The following KCNK2 variants were observed in gnomAD, a reference collection of about 807,000 sequenced individuals.
The protein encoded by KCNK2 is potassium channel subfamily K member 2.
Under a neutral mutation model 40.5 loss-of-function variants are expected in KCNK2, and 21 were observed. The observed-to-expected ratio is 0.52, with a 90% confidence interval of 0.37 to 0.75. The LOEUF (loss-of-function observed/expected upper bound fraction) is 0.75. KCNK2 is among the 30% of genes least tolerant of loss of function. KCNK2 has a pLI of 0.00. For synonymous variants in KCNK2, 191 were observed against 202.2 expected (o/e 0.94, Z 0.47); for missense variants, 399 against 531.6 (o/e 0.75, Z 2.45).
chr1:215,122,608 TA>T (rs2102578176), intron 2 of KCNK2, among the ~76,000 whole-genome samples: 1 of 152,302 alleles, frequency 6.6e-6, no homozygotes, highest in Non-Finnish European at 1.5e-5. Context: ...ATCACTTCAT[TA>T]AAGATAAATG....
At chr1:215,070,206 C>A (rs1197791871) in intron 1 of KCNK2, among the ~76,000 whole-genome samples, 1 of 151,022 alleles carries the variant, frequency 6.6e-6, no homozygotes, top group Non-Finnish European at 1.5e-5. Flanking sequence ...GTCAGCAGAT[C>A]GTAGGCATCC....
chr1:215,100,857 C>G (rs978882757), intron 2 of KCNK2, among the ~76,000 whole-genome samples: 1 of 151,912 alleles, frequency 6.6e-6, no homozygotes, highest in Non-Finnish European at 1.5e-5. Context: ...ATTTATCATT[C>G]GTGTAAAAGA....
chr1:215,057,864 A>G (rs1346437054), intron 1 of KCNK2, among the ~76,000 whole-genome samples: 2 of 152,146 alleles, frequency 1.3e-5, no homozygotes, highest in Admixed American at 1.3e-4. Context: ...GGTTAATCAT[A>G]TCTTCCTTAC....
At chr1:215,133,372 C>T (rs1661758202) in intron 3 of KCNK2, among the ~76,000 whole-genome samples, 1 of 152,046 alleles carries the variant, frequency 6.6e-6, no homozygotes, top group Admixed American at 6.6e-5. Flanking sequence ...TTTTTCTTGT[C>T]ATTCCCCCTT....
intron 1 of KCNK2, among the ~76,000 whole-genome samples, chr1:215,043,187 T>C (rs796534125): frequency 2.0e-5 from 3 of 152,332 alleles, no homozygotes; most frequent in African/African-American, 7.2e-5. Context: ...CTGGAATGCT[T>C]GTGCATTGCT....
At chr1:215,058,796 G>A (rs796591466) in intron 1 of KCNK2, among the ~76,000 whole-genome samples, 33 of 152,216 alleles carry the variant, frequency 2.2e-4, no homozygotes, top group African/African-American at 7.2e-4. Flanking sequence ...CTTGCCAAGT[G>A]TTGTTCTTTT....
chr1:215,024,923 T>C (rs1656947017), intron 1 of KCNK2, among the ~76,000 whole-genome samples: 1 of 149,776 alleles, frequency 6.7e-6, no homozygotes, highest in South Asian at 2.1e-4. Context: ...ATAAAACATA[T>C]GTTCATTATG....
chr1:215,138,799 C>A (rs1013518333), intron 3 of KCNK2, among the ~76,000 whole-genome samples: 9 of 152,200 alleles, frequency 5.9e-5, no homozygotes, highest in Admixed American at 1.3e-4. Flanking sequence ...TTGCAAATCA[C>A]TTCGCATACA....
At chr1:215,068,944 G>A (rs1232039499) in intron 1 of KCNK2, among the ~76,000 whole-genome samples, 2 of 152,124 alleles carry the variant, frequency 1.3e-5, no homozygotes, top group African/African-American at 4.8e-5. Flanking sequence ...AGTTTTATCA[G>A]TGTCCAGAAA....
intron 1 of KCNK2, among the ~76,000 whole-genome samples, chr1:215,070,036 G>A (rs781621909): frequency 1.3e-5 from 2 of 152,104 alleles, no homozygotes; most frequent in Non-Finnish European, 2.9e-5. Context: ...AGAAATCAAA[G>A]AATAATTCAG....
Position 215,086,605 on chromosome 1 carries a change from T to C in KCNK2, c.284T>C (p.Ile95Thr). The change falls in exon 2 of 7, where the codon ATT becomes ACT. Residue 95 changes from isoleucine to threonine, a missense_variant. Ile to Thr is a moderately conservative substitution (Grantham distance 89). Transcript: ENST00000444842. The part of the protein sequence containing the change: ...QPHEISQRTT[I>T]VIQKQTFISQ... ...CATGAGATTTCACAGAGGACCACCA[T>C]TGTGATCCAGAAGCAAACATTCATA... 1 of 1,614,182 alleles carries C rather than the reference T, an allele frequency of 6.2e-7. No individual in the cohort carries two copies. The highest frequency in any genetic ancestry group is 8.5e-7 in the Non-Finnish European group (1 of 1,180,004).
intron 6 of KCNK2, among the ~76,000 whole-genome samples, chr1:215,195,830 G>A (rs947379887): frequency 3.9e-5 from 6 of 152,152 alleles, no homozygotes; most frequent in African/African-American, 1.4e-4. Flanking sequence ...TATGAAATGT[G>A]TATTTCTTGC....
intron 2 of KCNK2, among the ~76,000 whole-genome samples, chr1:215,087,026 G>T (rs1188848135): frequency 6.6e-6 from 1 of 152,182 alleles, no homozygotes; most frequent in African/African-American, 2.4e-5. Context: ...CCATGGGGTT[G>T]GGGTTACCAC....
rs1392902677 is a variant in KCNK2 at position 215,086,592 on chromosome 1, C to T, written c.271C>T (p.Gln91Ter). ...ATTGGAGCAGCCTCATGAGATTTCA[C>T]AGAGGACCACCATTGTGATCCAGAA... ...KALEQPHEIS[Q>*]RTTIVIQKQT... The change falls in exon 2 of 7, where the codon CAG becomes TAG. Residue 91 changes from glutamine to a stop codon, truncating the protein, a stop_gained. Transcript: ENST00000444842. LOFTEE classifies it high-confidence loss of function. The T allele has an allele frequency of 6.2e-7, 1 of 1,614,050 alleles. No homozygotes were observed. The highest frequency in any genetic ancestry group is 8.5e-7 in the Non-Finnish European group (1 of 1,179,906).
intron 3 of KCNK2, among the ~76,000 whole-genome samples, chr1:215,163,325 C>T (rs149069288): frequency 3.6e-4 from 55 of 152,206 alleles, no homozygotes; most frequent in African/African-American, 1.1e-3. Context: ...TGGGCTGAGA[C>T]GATGGAGTTT....
chr1:215,097,601 A>G (rs190898553), intron 2 of KCNK2, among the ~76,000 whole-genome samples: 3 of 152,032 alleles, frequency 2.0e-5, no homozygotes, highest in Admixed American at 6.6e-5. Flanking sequence ...TTTAATTTTG[A>G]CAATTTTCTC....
intron 2 of KCNK2, among the ~76,000 whole-genome samples, chr1:215,119,850 C>G (rs1661103324): frequency 6.6e-6 from 1 of 152,100 alleles, no homozygotes; most frequent in Non-Finnish European, 1.5e-5. Context: ...CACCCAGAAA[C>G]AGTTCTCATG....
chr1:215,045,938 A>G (rs1657751668), intron 1 of KCNK2, among the ~76,000 whole-genome samples: 1 of 132,864 alleles, frequency 7.5e-6, no homozygotes, highest in Non-Finnish European at 1.7e-5. Flanking sequence ...CTAGCAAAAC[A>G]CAGACACATA....
At chr1:215,067,709 T>G (rs1392763206) in intron 1 of KCNK2, among the ~76,000 whole-genome samples, 1 of 151,738 alleles carries the variant, frequency 6.6e-6, no homozygotes, top group Non-Finnish European at 1.5e-5. Flanking sequence ...ACTAAAAAAA[T>G]ATAAAAACTA....
Sources: allele counts gnomAD v4.1 joint callset (sites outside exome capture counted in the v4.1 genomes callset), GRCh38; gene constraint gnomAD v4.1.1; transcripts MANE v1.5; gene names NCBI Gene and HGNC (gene_info 2026-07-23, HGNC 2026-07-21).